Variants in PRKN observed in about 807,000 individuals in gnomAD.
PRKN encodes parkin RBR E3 ubiquitin protein ligase.
Under a neutral mutation model 59.5 loss-of-function variants are expected in PRKN, and 56 were observed. That is an observed-to-expected ratio of 0.94 (90% confidence interval 0.76 to 1.18). PRKN has a LOEUF of 1.18. Among genes scored for constraint, PRKN ranks in the 50% most tolerant of loss-of-function variants. PRKN has a pLI of 0.00. For synonymous variants in PRKN, 250 were observed against 222.1 expected (o/e 1.13, Z -1.12); for missense variants, 657 against 596.4 (o/e 1.10, Z -1.06).
chr6:161,626,665 G>C (rs896790115), intron 7 of PRKN, among the ~76,000 whole-genome samples: 15 of 152,178 alleles, frequency 9.9e-5, no homozygotes, highest in African/African-American at 3.6e-4. Flanking sequence ...CGCAGACCCT[G>C]GCCAAATGAT....
At chr6:162,166,322 C>G (rs1782988606) in intron 4 of PRKN, among the ~76,000 whole-genome samples, 1 of 151,960 alleles carries the variant, frequency 6.6e-6, no homozygotes, top group African/African-American at 2.4e-5. Context: ...TTTATATGAC[C>G]CTTTAGAAGG....
Position 161,576,192 on chromosome 6 carries a change from A to C in PRKN, c.872-6776T>G, listed in dbSNP as rs1335648331. Among the ~76,000 whole-genome samples, 1 of 152,242 alleles carries C rather than the reference A, an allele frequency of 6.6e-6. No homozygotes were observed. Among genetic ancestry groups the C allele is most frequent in the Admixed American group, 6.5e-5 (1 of 15,284 alleles). On this transcript the variant is annotated intron_variant, in intron 7 of 11. Transcript: ENST00000366898. This position sits in a 1 kb window ranked among gnomAD's most constrained non-coding sequence, Gnocchi z 4.6. ...GTCAGCAGCAGGACTTTACAGAATC[A>C]AGTTTAAAGCATTATCGTTTTCATA...
rs2314127 is a variant in PRKN, at chr6:161,360,370, G to A, written c.1168-165C>T. Reference sequence around the variant, plus strand: ...GACAAATGCTAGACAGCTACTAGGCGGATGGGGACACTCTCCCTGGCATGT... The same window carrying A: ...GACAAATGCTAGACAGCTACTAGGCAGATGGGGACACTCTCCCTGGCATGT... On this transcript the variant is annotated intron_variant, in intron 10 of 11. Coordinates refer to ENST00000366898, the MANE Select transcript of PRKN (RefSeq NM_004562.3). The surrounding 1 kb of genome is among the most constrained non-coding windows in gnomAD (Gnocchi z 5.1). 0.016 allele frequency among the ~76,000 whole-genome samples: 2,436 copies of A among 152,336 alleles called. 64 individuals are homozygous for A. Among genetic ancestry groups the A allele is most frequent in the African/African-American group, 0.056 (2,319 of 41,570 alleles).
intron 1 of PRKN, among the ~76,000 whole-genome samples, chr6:162,552,559 C>T (rs761649914): frequency 2.0e-5 from 3 of 152,020 alleles, no homozygotes; most frequent in Non-Finnish European, 4.4e-5. Flanking sequence ...GGAGAAGATT[C>T]ATGGAGAAAT....
intron 4 of PRKN, among the ~76,000 whole-genome samples, chr6:162,070,137 T>G (rs1778513675): frequency 6.6e-6 from 1 of 152,230 alleles, no homozygotes; most frequent in South Asian, 2.1e-4. Flanking sequence ...TGATAATTTG[T>G]TCATGTGTAA....
chr6:161,505,841 T>C (rs972432483), intron 9 of PRKN, among the ~76,000 whole-genome samples: 3 of 142,012 alleles, frequency 2.1e-5, no homozygotes, highest in African/African-American at 5.4e-5. Flanking sequence ...GTTGTAGATA[T>C]GTGGCATTAT....
chr6:161,805,478 A>ACACACACACATG (rs61442187), intron 6 of PRKN, among the ~76,000 whole-genome samples: 12,145 of 149,222 alleles, frequency 0.081, 542 homozygotes, highest in Middle Eastern at 0.14. Flanking sequence ...ACACACACAC[A>ACACACACACATG]CATGCATGTA....
chr6:161,931,496 A>G (rs1392626729), intron 6 of PRKN, among the ~76,000 whole-genome samples: 1 of 152,138 alleles, frequency 6.6e-6, no homozygotes, highest in Non-Finnish European at 1.5e-5. Flanking sequence ...ATTTGCATCT[A>G]TATCTATCCC....
chr6:162,072,144 TG>T (rs1303087859), intron 4 of PRKN, among the ~76,000 whole-genome samples: 1 of 152,054 alleles, frequency 6.6e-6, no homozygotes, highest in African/African-American at 2.4e-5. Flanking sequence ...TTACACAGGC[TG>T]GGCGCGGTGG....
chr6:161,764,534 T>G (rs954958337), intron 7 of PRKN, among the ~76,000 whole-genome samples: 2 of 152,348 alleles, frequency 1.3e-5, no homozygotes, highest in South Asian at 2.1e-4. Flanking sequence ...TGCACCATTT[T>G]TAATGAAAAT....
At chr6:162,109,466 C>T (rs988334061) in intron 4 of PRKN, among the ~76,000 whole-genome samples, 2 of 152,114 alleles carry the variant, frequency 1.3e-5, no homozygotes, top group Non-Finnish European at 1.5e-5. Context: ...GCAAGGCAGC[C>T]CTGGCCAGGA....
At chr6:161,481,777 G>A (rs1791412384) in intron 9 of PRKN, among the ~76,000 whole-genome samples, 1 of 152,092 alleles carries the variant, frequency 6.6e-6, no homozygotes, top group African/African-American at 2.4e-5. Context: ...CTTTATTATT[G>A]TTCTTACTGA....
At chr6:162,118,376 A>T (rs1226449813) in intron 4 of PRKN, among the ~76,000 whole-genome samples, 1 of 152,146 alleles carries the variant, frequency 6.6e-6, no homozygotes, top group African/African-American at 2.4e-5. Context: ...ACTGCACTCC[A>T]GCCTGGGCTA....
chr6:162,720,849 T>C (rs1778916823), intron 1 of PRKN, among the ~76,000 whole-genome samples: 1 of 152,178 alleles, frequency 6.6e-6, no homozygotes, highest in Non-Finnish European at 1.5e-5. Context: ...TATCCACAGC[T>C]CTGATGACAT....
At chr6:162,383,339 TTA>T (rs1470142211) in intron 2 of PRKN, among the ~76,000 whole-genome samples, 1 of 152,178 alleles carries the variant, frequency 6.6e-6, no homozygotes, top group African/African-American at 2.4e-5. Context: ...AGAATGACCG[TTA>T]TGTTAGCAAG....
At chr6:161,984,836 A>G (rs889683292) in intron 5 of PRKN, among the ~76,000 whole-genome samples, 1 of 152,304 alleles carries the variant, frequency 6.6e-6, no homozygotes, top group South Asian at 2.1e-4. Context: ...ACTATGGGAC[A>G]GTTGTCAAAG....
rs11962983 is a variant in PRKN at position 162,167,134 on chromosome 6, T to G, written c.534+33997A>C. Among the ~76,000 whole-genome samples, 1,426 of 152,328 alleles carry G rather than the reference T, an allele frequency of 9.4e-3. 25 individuals are homozygous for G. The highest frequency in any genetic ancestry group is 0.032 in the African/African-American group (1,347 of 41,570). On this transcript the variant is annotated intron_variant, in intron 4 of 11. Coordinates refer to ENST00000366898, the MANE Select transcript of PRKN (RefSeq NM_004562.3). ...GTGATGTTCTAGGAAATTTAAAATG[T>G]AGAATTCCATTTTCGCATTGTCAAA... is the stretch of plus-strand genomic sequence containing the variant.
chr6:162,666,125 C>A (rs1779091437), intron 1 of PRKN, among the ~76,000 whole-genome samples: 1 of 152,118 alleles, frequency 6.6e-6, no homozygotes. Context: ...TAGGCATGGG[C>A]AAAGACTTTT....
chr6:161,418,634 G>A (rs1009881749), intron 9 of PRKN, among the ~76,000 whole-genome samples: 7 of 152,088 alleles, frequency 4.6e-5, no homozygotes, highest in East Asian at 3.9e-4. Context: ...CAATTACCTC[G>A]GCTAAAATAA....
Sources: allele counts gnomAD v4.1 joint callset (sites outside exome capture counted in the v4.1 genomes callset), GRCh38; gene constraint gnomAD v4.1.1; non-coding constraint Gnocchi (gnomAD v3.1); transcripts MANE v1.5; gene names NCBI Gene and HGNC (gene_info 2026-07-23, HGNC 2026-07-21).